Variants in TNFSF4 observed in about 807,000 individuals in gnomAD.
TNFSF4 encodes the protein tumor necrosis factor ligand superfamily member 4.
TNFSF4 carries 4 observed loss-of-function variants against 7.3 expected under a neutral mutation model. That is an observed-to-expected ratio of 0.55 (90% CI 0.27 to 1.25). The LOEUF (loss-of-function observed/expected upper bound fraction) is 1.25, where lower values mean the gene tolerates loss of function less well. Among genes scored for constraint, TNFSF4 ranks in the 50% most tolerant of loss-of-function variants. The pLI, the probability that TNFSF4 is intolerant of heterozygous loss-of-function variation, is 0.12. For synonymous variants in TNFSF4, 76 were observed against 83.7 expected, an observed-to-expected ratio of 0.91 and a Z score of 0.50; for missense variants, 181 against 208.8, an observed-to-expected ratio of 0.87 and a Z score of 0.82.
At chr1:173,354,408 A>G in the TNFSF4 span, among the ~76,000 whole-genome samples, 1 of 152,206 alleles carries the variant, frequency 6.6e-6, no homozygotes, top group African/African-American at 2.4e-5. Flanking sequence ...ATTCTACTAG[A>G]TGTACAAAGA....
chr1:173,394,496 G>A, the TNFSF4 span, among the ~76,000 whole-genome samples: 1 of 152,270 alleles, frequency 6.6e-6, no homozygotes, highest in Non-Finnish European at 1.5e-5. Context: ...TTATTTCTGG[G>A]TATGCCTGTG....
chr1:173,410,829 A>G, the TNFSF4 span, among the ~76,000 whole-genome samples: 12 of 152,182 alleles, frequency 7.9e-5, no homozygotes, highest in African/African-American at 2.7e-4. Context: ...ACTTGCCTGA[A>G]GCTCTGTGTA....
downstream of TNFSF4, among the ~76,000 whole-genome samples, chr1:173,179,289 TC>T (rs1649009600): frequency 6.6e-6 from 1 of 152,158 alleles, no homozygotes; most frequent in South Asian, 2.1e-4. Context: ...AGCCAGAAGA[TC>T]AGGAGCAATG....
chr1:173,259,322 C>CCA, the TNFSF4 span, among the ~76,000 whole-genome samples: 25 of 128,580 alleles, frequency 1.9e-4, no homozygotes, highest in Admixed American at 4.1e-4. Flanking sequence ...AAAAAAGACC[C>CCA]CAAAAAAACC....
At chr1:173,215,032 A>G in the TNFSF4 span, among the ~76,000 whole-genome samples, 1 of 151,962 alleles carries the variant, frequency 6.6e-6, no homozygotes. Flanking sequence ...CCTACCTCCA[A>G]TGTGATTGTA....
rs943007630 is a variant in TNFSF4, at chr1:173,184,566, G to A, written c.*1950C>T. ...GCACTGCACATCTGTGAGAAATATAGATAAAAATTCCAAACTTAAAAATGA... is the reference window on the plus strand; with the variant it reads ...GCACTGCACATCTGTGAGAAATATAAATAAAAATTCCAAACTTAAAAATGA... On this transcript the variant is annotated 3_prime_UTR_variant, in exon 3 of 3. Transcript: ENST00000281834. 1 of 152,196 alleles carries A rather than the reference G, an allele frequency of 6.6e-6. No individual in the cohort carries two copies. The highest frequency in any genetic ancestry group is 1.5e-5 in the Non-Finnish European group (1 of 68,048). The allele number at this position is 152,196 out of a possible 1,614,324, so 9.4% of individuals were successfully genotyped here. A position where few individuals can be genotyped will look rare whatever the true frequency, so the allele number is the denominator to read the frequency against.
At chr1:173,445,043 G>A in the TNFSF4 span, among the ~76,000 whole-genome samples, 1 of 152,182 alleles carries the variant, frequency 6.6e-6, no homozygotes, top group Non-Finnish European at 1.5e-5. Flanking sequence ...AGAATAAAAG[G>A]ATAGGATTAG....
At chr1:173,278,884 T>C in the TNFSF4 span, among the ~76,000 whole-genome samples, 1 of 152,142 alleles carries the variant, frequency 6.6e-6, no homozygotes, top group African/African-American at 2.4e-5. Context: ...TCAGCCACAG[T>C]GGCTGCACAC....
downstream of TNFSF4, among the ~76,000 whole-genome samples, chr1:173,182,577 T>C (rs927202450): frequency 6.6e-6 from 1 of 152,184 alleles, no homozygotes; most frequent in African/African-American, 2.4e-5. Flanking sequence ...CAAAGAATTG[T>C]TGAGACAATG....
chr1:173,221,482 T>C, the TNFSF4 span, among the ~76,000 whole-genome samples: 2 of 152,142 alleles, frequency 1.3e-5, no homozygotes, highest in Non-Finnish European at 2.9e-5. Context: ...AGATCTGGGA[T>C]ATACTTTGGA....
At chr1:173,188,024 T>A (rs17300347) in intron 2 of TNFSF4, among the ~76,000 whole-genome samples, 22,813 of 152,200 alleles carry the variant, frequency 0.15, 2,157 homozygotes, top group Middle Eastern at 0.27. Context: ...AAAATGAATA[T>A]TCGTGTGGAA....
At chr1:173,230,491 T>C in the TNFSF4 span, among the ~76,000 whole-genome samples, 4 of 152,118 alleles carry the variant, frequency 2.6e-5, no homozygotes, top group Non-Finnish European at 5.9e-5. Context: ...AGATCTAAAA[T>C]TGACACCCTA....
chr1:173,366,998 A>G, the TNFSF4 span, among the ~76,000 whole-genome samples: 1 of 152,204 alleles, frequency 6.6e-6, no homozygotes, highest in African/African-American at 2.4e-5. Context: ...GGGCCCTCGC[A>G]TGAGTACACA....
chr1:173,210,875 A>G (rs933538165), upstream of TNFSF4, among the ~76,000 whole-genome samples: 2 of 152,208 alleles, frequency 1.3e-5, no homozygotes, highest in African/African-American at 4.8e-5. Context: ...ATCCTGGTAC[A>G]GGAAGTTTCC....
the TNFSF4 span, among the ~76,000 whole-genome samples, chr1:173,308,267 T>TTCTCTCTCTCTCTC: frequency 3.7e-4 from 49 of 132,950 alleles, 1 homozygote; most frequent in African/African-American, 1.5e-3. Flanking sequence ...CTCTCTCTCT[T>TTCTCTCTCTCTCTC]TCTCTCTCTC....
the TNFSF4 span, among the ~76,000 whole-genome samples, chr1:173,225,728 T>G: frequency 6.6e-6 from 1 of 152,142 alleles, no homozygotes; most frequent in Non-Finnish European, 1.5e-5. Context: ...AGAACTTAGG[T>G]GCAACCAGAG....
chr1:173,188,624 C>A (rs1364540565), intron 1 of TNFSF4, 55 bp from the exon 2 acceptor site: 3 of 1,466,884 alleles, frequency 2.0e-6, no homozygotes, highest in South Asian at 1.2e-5. Context: ...AAATGAAATT[C>A]GCAAGTCATA....
the TNFSF4 span, among the ~76,000 whole-genome samples, chr1:173,446,091 C>A: frequency 6.6e-6 from 1 of 151,878 alleles, no homozygotes; most frequent in Non-Finnish European, 1.5e-5. Context: ...TAAAAGTTTA[C>A]TAATTTGCAT....
At chr1:173,416,635 T>TATTTATTTATTTA in the TNFSF4 span, among the ~76,000 whole-genome samples, 1 of 119,470 alleles carries the variant, frequency 8.4e-6, no homozygotes. Context: ...TTTATTTATT[T>TATTTATTTATTTA]TTTGAGAGAG....
Sources: allele counts gnomAD v4.1 joint callset (sites outside exome capture counted in the v4.1 genomes callset), GRCh38; gene constraint gnomAD v4.1.1; transcripts MANE v1.5; gene names NCBI Gene and HGNC (gene_info 2026-07-23, HGNC 2026-07-21).